The following SLC39A11 variants were observed in gnomAD, a reference collection of about 807,000 sequenced individuals.
SLC39A11 encodes zinc transporter ZIP11.
SLC39A11 carries 33 observed loss-of-function variants against 36.1 expected under a neutral mutation model. The ratio of observed to expected loss-of-function variants is 0.91; its 90% CI spans 0.69 to 1.22. SLC39A11 has a LOEUF of 1.22. Among genes scored for constraint, SLC39A11 ranks in the 50% most tolerant of loss-of-function variants. The pLI is 0.00. For synonymous variants in SLC39A11, 166 were observed against 170.3 expected (o/e 0.97, Z 0.20); for missense variants, 432 against 430.3 (o/e 1.00, Z -0.03).
At chr17:73,057,020 T>A (rs1024897026) in intron 3 of SLC39A11, among the ~76,000 whole-genome samples, 1 of 152,088 alleles carries the variant, frequency 6.6e-6, no homozygotes, top group Non-Finnish European at 1.5e-5. Flanking sequence ...AGTGCAGCGG[T>A]ATGATTTCAA....
chr17:72,653,272 T>C (rs2069943413), intron 7 of SLC39A11, among the ~76,000 whole-genome samples: 1 of 149,200 alleles, frequency 6.7e-6, no homozygotes, highest in Admixed American at 6.7e-5. Flanking sequence ...ACCCCCCTAT[T>C]TTTTTTTTGT....
chr17:72,687,967 G>A (rs552843189), intron 7 of SLC39A11, among the ~76,000 whole-genome samples: 8 of 152,172 alleles, frequency 5.3e-5, no homozygotes, highest in African/African-American at 1.7e-4. Context: ...GACAGCCAAC[G>A]ACACCAGAGG....
chr17:72,806,514 T>C (rs540081551), intron 6 of SLC39A11, among the ~76,000 whole-genome samples: 1 of 152,318 alleles, frequency 6.6e-6, no homozygotes, highest in South Asian at 2.1e-4. Flanking sequence ...TATAGTGGGC[T>C]GGCACTTAGG....
In SLC39A11 at chr17:72,804,965, G is replaced by A. The variant is rs190977305; in HGVS notation, c.601+44669C>T. ...CGGGAGGCGAAGGTTGCAGTGAGCC[G>A]AGATCATGCCACTGCACTCCAGCCT... On this transcript the variant is annotated intron_variant, in intron 6 of 9. Transcript: ENST00000255559. Among the ~76,000 whole-genome samples, 181 of 152,148 alleles carry A rather than the reference G, an allele frequency of 1.2e-3. 1 individual carries two copies. Among genetic ancestry groups the A allele is most frequent in the African/African-American group, 4.1e-3 (171 of 41,492 alleles).
At chr17:72,814,716 T>C (rs986292693) in intron 6 of SLC39A11, among the ~76,000 whole-genome samples, 2 of 152,166 alleles carry the variant, frequency 1.3e-5, no homozygotes, top group African/African-American at 4.8e-5. Context: ...TCTAATAGCA[T>C]CTGTGCAGAG....
intron 6 of SLC39A11, among the ~76,000 whole-genome samples, chr17:72,779,544 T>C (rs2076240917): frequency 6.6e-6 from 1 of 152,238 alleles, no homozygotes; most frequent in African/African-American, 2.4e-5. Context: ...TCCTGGCTTC[T>C]GCTTCCCCAG....
intron 6 of SLC39A11, among the ~76,000 whole-genome samples, chr17:72,840,798 G>A (rs567755979): frequency 1.6e-4 from 25 of 151,872 alleles, no homozygotes; most frequent in Admixed American, 5.2e-4. Flanking sequence ...GCTCATGCCC[G>A]TAATCCTAGC....
chr17:72,678,542 T>G (rs1598319083), intron 7 of SLC39A11, among the ~76,000 whole-genome samples: 1 of 152,012 alleles, frequency 6.6e-6, no homozygotes, highest in East Asian at 1.9e-4. Context: ...CCGTCTCTAC[T>G]AAAAATACAA....
At chr17:72,909,823 G>T (rs143432989) in intron 5 of SLC39A11, among the ~76,000 whole-genome samples, 2 of 149,550 alleles carry the variant, frequency 1.3e-5, no homozygotes, top group African/African-American at 4.9e-5. Flanking sequence ...TCGGCTCACT[G>T]CAACCTCCGC....
chr17:73,030,572 G>C (rs2058706718), intron 4 of SLC39A11, among the ~76,000 whole-genome samples: 1 of 152,138 alleles, frequency 6.6e-6, no homozygotes, highest in South Asian at 2.1e-4. Context: ...TGATCCAGCA[G>C]GAGAAATGGA....
At chr17:72,881,617 A>AT (rs981428109) in intron 5 of SLC39A11, among the ~76,000 whole-genome samples, 9 of 151,794 alleles carry the variant, frequency 5.9e-5, no homozygotes, top group Admixed American at 3.9e-4. Context: ...TAAAATTTTT[A>AT]TTTTTTTTTA....
intron 6 of SLC39A11, among the ~76,000 whole-genome samples, chr17:72,824,152 G>A (rs2077915485): frequency 6.6e-6 from 1 of 151,132 alleles, no homozygotes; most frequent in South Asian, 2.1e-4. Context: ...GGCCCGGTGG[G>A]AGGTGACTGG....
At chr17:72,795,290 G>C (rs1469169398) in intron 6 of SLC39A11, among the ~76,000 whole-genome samples, 1 of 152,056 alleles carries the variant, frequency 6.6e-6, no homozygotes, top group Non-Finnish European at 1.5e-5. Flanking sequence ...GAGTGGGGCT[G>C]AAGGATCCAC....
chr17:72,997,765 G>A (rs887514116), intron 4 of SLC39A11, among the ~76,000 whole-genome samples: 7 of 152,174 alleles, frequency 4.6e-5, no homozygotes, highest in Admixed American at 1.3e-4. Flanking sequence ...CATTGTCTAC[G>A]CTAGCCATCC....
At chr17:72,757,233 A>G (rs1048218461) in intron 6 of SLC39A11, among the ~76,000 whole-genome samples, 2 of 152,148 alleles carry the variant, frequency 1.3e-5, no homozygotes, top group Non-Finnish European at 2.9e-5. Flanking sequence ...TCAAGGCCTG[A>G]AGTGGGAGCT....
intron 3 of SLC39A11, among the ~76,000 whole-genome samples, chr17:73,073,006 T>A (rs370496907): frequency 6.6e-6 from 1 of 152,026 alleles, no homozygotes; most frequent in Admixed American, 6.5e-5. Context: ...ATGGTGAAAC[T>A]CCATCTCTAC....
intron 4 of SLC39A11, among the ~76,000 whole-genome samples, chr17:72,996,148 C>T (rs573805522): frequency 1.3e-5 from 2 of 152,210 alleles, no homozygotes; most frequent in Admixed American, 6.5e-5. Flanking sequence ...CTCAGTCCCA[C>T]CACTGCCTAC....
In SLC39A11 at chr17:72,763,904, C is replaced by G. The variant is rs139155534; in HGVS notation, c.602-27185G>C. ...TCAGTGCCCACTCCATCCAGATGAA[C>G]CCAGCTCACCTGCTTATATCCGGTT... On this transcript the variant is annotated intron_variant, in intron 6 of 9. Transcript: ENST00000255559. Among the ~76,000 whole-genome samples the G allele has an allele frequency of 2.0e-4, 30 of 152,260 alleles. No homozygotes were observed. The East Asian group carries it at 5.6e-3, about 28-fold the overall frequency.
At chr17:72,886,705 T>A (rs1384334790) in intron 5 of SLC39A11, among the ~76,000 whole-genome samples, 4 of 152,186 alleles carry the variant, frequency 2.6e-5, no homozygotes, top group Non-Finnish European at 5.9e-5. Context: ...ATACTCTAAT[T>A]GAGATCTGAA....
Sources: allele counts gnomAD v4.1 joint callset (sites outside exome capture counted in the v4.1 genomes callset), GRCh38; gene constraint gnomAD v4.1.1; transcripts MANE v1.5; gene names NCBI Gene and HGNC (gene_info 2026-07-23, HGNC 2026-07-21).